The following CLSTN2 variants were observed in gnomAD, a reference collection of about 807,000 sequenced individuals.
CLSTN2 encodes the protein calsyntenin-2.
In CLSTN2, 48 loss-of-function variants were observed where a neutral mutation model predicts 101.2. The observed-to-expected ratio is 0.47, with a 90% CI of 0.38 to 0.60. CLSTN2 has a LOEUF of 0.60. Among genes scored for constraint, CLSTN2 ranks in the 20% least tolerant of loss-of-function variants. The pLI is 0.00. For synonymous variants in CLSTN2, 481 were observed against 463.6 expected, an observed-to-expected ratio of 1.04 and a Z score of -0.48; for missense variants, 1,160 against 1,238.2, an observed-to-expected ratio of 0.94 and a Z score of 0.95.
intron 8 of CLSTN2, among the ~76,000 whole-genome samples, chr3:140,519,378 T>A (rs947407811): frequency 6.6e-6 from 1 of 152,222 alleles, no homozygotes; most frequent in Non-Finnish European, 1.5e-5. Flanking sequence ...AATATCTTTG[T>A]TAATTTTCTG....
intron 8 of CLSTN2, among the ~76,000 whole-genome samples, chr3:140,490,596 G>GAA (rs71149081): frequency 0.014 from 1,241 of 90,024 alleles, 27 homozygotes; most frequent in African/African-American, 0.048. Context: ...CCTTGTCTCA[G>GAA]AAAAAAAAAA....
chr3:140,337,211 C>T (rs912504366), intron 2 of CLSTN2, among the ~76,000 whole-genome samples: 3 of 152,180 alleles, frequency 2.0e-5, no homozygotes, highest in African/African-American at 7.2e-5. Context: ...AACTGGTTAG[C>T]TTCCACTACA....
intron 1 of CLSTN2, among the ~76,000 whole-genome samples, chr3:140,011,018 C>G (rs977538366): frequency 3.3e-5 from 5 of 152,106 alleles, no homozygotes; most frequent in African/African-American, 9.7e-5. Context: ...CTGGGGCAGA[C>G]GGCGGTCCTC....
intron 2 of CLSTN2, among the ~76,000 whole-genome samples, chr3:140,367,069 C>T (rs1359932282): frequency 6.6e-6 from 1 of 152,188 alleles, no homozygotes; most frequent in Admixed American, 6.5e-5. Context: ...CCAGCCCTCC[C>T]ACGCTATGCT....
rs184961664 is a variant in CLSTN2 at position 140,294,977 on chromosome 3, C to T, written c.233-108652C>T. On this transcript the variant is annotated intron_variant, in intron 2 of 16. Coordinates refer to ENST00000458420, the MANE Select transcript of CLSTN2 (RefSeq NM_022131.3). ...GGTTTTGTCCTTATGACCTAATTAC[C>T]TCCAGAAGGCCCCACCTCCTAAATG... Among the ~76,000 whole-genome samples the T allele has an allele frequency of 1.6e-3, 248 of 152,234 alleles. 2 individuals are homozygous for T. Among genetic ancestry groups the T allele is most frequent in the African/African-American group, 5.0e-3 (209 of 41,554 alleles).
intron 8 of CLSTN2, chr3:140,506,767 G>A (rs1204589093): frequency 6.6e-6 from 1 of 152,182 alleles, no homozygotes. Flanking sequence ...TCAAGCACTT[G>A]AAATGTGGCT....
intron 8 of CLSTN2, among the ~76,000 whole-genome samples, chr3:140,468,717 G>A (rs115416613): frequency 3.3e-5 from 5 of 152,140 alleles, no homozygotes; most frequent in Non-Finnish European, 5.9e-5. Context: ...CATTATGCCC[G>A]GCTGCTGCTT....
chr3:140,197,471 G>A lies in CLSTN2; in HGVS notation c.232+21398G>A, dbSNP rs563501266. On this transcript the variant is annotated intron_variant, in intron 2 of 16. Coordinates refer to ENST00000458420, the MANE Select transcript of CLSTN2 (RefSeq NM_022131.3). Reference sequence around the variant, plus strand: ...GGTGGCATTATTTTTCCTTTTTAAAGATAAGGAAACTCAGGCTCAGAGAAG... The same window carrying A: ...GGTGGCATTATTTTTCCTTTTTAAAAATAAGGAAACTCAGGCTCAGAGAAG... Among the ~76,000 whole-genome samples, 18 of 152,230 alleles carry A rather than the reference G, an allele frequency of 1.2e-4. No homozygotes were observed. The East Asian group carries it at 2.7e-3, about 23-fold the overall frequency.
intron 8 of CLSTN2, among the ~76,000 whole-genome samples, chr3:140,529,408 G>T (rs1180653354): frequency 6.6e-6 from 1 of 152,196 alleles, no homozygotes; most frequent in African/African-American, 2.4e-5. Flanking sequence ...TACTTGGTGC[G>T]GCTGGATACA....
At chr3:140,376,962 A>G in intron 2 of CLSTN2, among the ~76,000 whole-genome samples, 1 of 151,948 alleles carries the variant, frequency 6.6e-6, no homozygotes, top group East Asian at 1.9e-4. Context: ...TAGCAGATGC[A>G]TACAGGAATT....
In CLSTN2 at chr3:139,935,440, C is replaced by T; in HGVS notation, c.66C>T (p.Gly22=). The T allele has an allele frequency of 2.4e-6, 3 of 1,231,454 alleles. No individual in the cohort carries two copies. The highest frequency in any genetic ancestry group is 3.0e-6 in the Non-Finnish European group (3 of 987,418). 76.3% of individuals were successfully genotyped at this position (1,231,454 alleles called of 1,614,324 possible). ...CGCTGGGCGTGGGGAGCGGCAGCGGCGGTGGCGGGGACAGCCGGCAGCGCC... is the reference window on the plus strand; with the variant it reads ...CGCTGGGCGTGGGGAGCGGCAGCGGTGGTGGCGGGGACAGCCGGCAGCGCC... ...LLALGVGSGS[G]GGGDSRQRRL... Residue 22 remains glycine, a synonymous_variant, in exon 1 of 17, where the codon GGC becomes GGT. Transcript: ENST00000458420. The surrounding 1 kb of genome is among the most constrained non-coding windows in gnomAD (Gnocchi z 5.5).
At chr3:140,416,143 A>G (rs968467992) in intron 4 of CLSTN2, among the ~76,000 whole-genome samples, 2 of 152,204 alleles carry the variant, frequency 1.3e-5, no homozygotes, top group African/African-American at 4.8e-5. Flanking sequence ...CTTGTATGTG[A>G]AATCTTAAAA....
intron 1 of CLSTN2, among the ~76,000 whole-genome samples, chr3:140,145,133 C>A (rs6806470): frequency 0.11 from 16,008 of 152,266 alleles, 2,802 homozygotes; most frequent in African/African-American, 0.36. Flanking sequence ...GGCCTTTTAG[C>A]ACAACACCTG....
At position 140,566,568 on chromosome 3, in the gene CLSTN2, G is replaced by T; in HGVS notation, c.*315G>T. ...TGCCTTTGTTTTTTCCTGCAGGGAAGAAGGCCCACCTTTGTGTCACTCACC... is the reference window on the plus strand; with the variant it reads ...TGCCTTTGTTTTTTCCTGCAGGGAATAAGGCCCACCTTTGTGTCACTCACC... On this transcript the variant is annotated 3_prime_UTR_variant, in exon 17 of 17. Coordinates refer to ENST00000458420, the MANE Select transcript of CLSTN2 (RefSeq NM_022131.3). The T allele has an allele frequency of 2.7e-6, 1 of 372,676 alleles. No homozygotes were observed. Among genetic ancestry groups the T allele is most frequent in the Non-Finnish European group, 5.0e-6 (1 of 198,314 alleles). 23.1% of individuals were successfully genotyped at this position (372,676 alleles called of 1,614,324 possible).
At chr3:140,515,097 T>C (rs1934891272) in intron 8 of CLSTN2, among the ~76,000 whole-genome samples, 1 of 152,196 alleles carries the variant, frequency 6.6e-6, no homozygotes. Flanking sequence ...CCTGGTTTAA[T>C]CTAGGAATGT....
intron 1 of CLSTN2, among the ~76,000 whole-genome samples, chr3:140,062,758 G>A (rs75453315): frequency 0.025 from 3,811 of 152,198 alleles, 75 homozygotes; most frequent in Admixed American, 0.046. Context: ...TCTTGTCCCA[G>A]CTCTGCTGTG....
chr3:140,426,940 C>T (rs1194284571), intron 5 of CLSTN2, among the ~76,000 whole-genome samples: 4 of 151,758 alleles, frequency 2.6e-5, no homozygotes, highest in African/African-American at 2.4e-5. Context: ...TTTGGGAGGC[C>T]GAGGCGGGTG....
intron 7 of CLSTN2, among the ~76,000 whole-genome samples, chr3:140,465,398 C>G (rs1349817185): frequency 2.6e-5 from 4 of 152,214 alleles, no homozygotes; most frequent in Non-Finnish European, 5.9e-5. Context: ...TCTCCCAGAA[C>G]TGCTGAGAAA....
intron 1 of CLSTN2, among the ~76,000 whole-genome samples, chr3:139,936,986 T>C (rs1383775377): frequency 6.6e-6 from 1 of 151,586 alleles, no homozygotes; most frequent in Non-Finnish European, 1.5e-5. Context: ...TATGAAGGGA[T>C]CAAGCTGAGA....
Sources: allele counts gnomAD v4.1 joint callset (sites outside exome capture counted in the v4.1 genomes callset), GRCh38; gene constraint gnomAD v4.1.1; non-coding constraint Gnocchi (gnomAD v3.1); transcripts MANE v1.5; gene names NCBI Gene and HGNC (gene_info 2026-07-23, HGNC 2026-07-21).